Variants in LSAMP observed in about 807,000 individuals in gnomAD.
LSAMP encodes the protein limbic system-associated membrane protein.
In LSAMP, 7 loss-of-function variants were observed where a neutral mutation model predicts 38.6. The ratio of observed to expected loss-of-function variants is 0.18; its 90% confidence interval spans 0.10 to 0.34. The LOEUF (loss-of-function observed/expected upper bound fraction) is 0.34, where lower values mean the gene tolerates loss of function less well. Ranked by LOEUF, LSAMP falls within the 10% of genes least tolerant of loss-of-function variation. LSAMP has a pLI of 1.00. For missense variants in LSAMP, 313 were observed against 420.0 expected (o/e 0.75, Z 2.23); for synonymous variants, 154 against 166.8 (o/e 0.92, Z 0.59).
chr3:116,137,765 G>A (rs1186256006), intron 1 of LSAMP, among the ~76,000 whole-genome samples: 1 of 152,116 alleles, frequency 6.6e-6, no homozygotes, highest in Admixed American at 6.6e-5. Flanking sequence ...ATTGTGCTTT[G>A]TGTTAGAGAA....
intron 1 of LSAMP, among the ~76,000 whole-genome samples, chr3:116,325,690 T>C (rs2047760976): frequency 6.6e-6 from 1 of 152,220 alleles, no homozygotes; most frequent in East Asian, 1.9e-4. Flanking sequence ...AGATATTTTC[T>C]CTTTATGTAC....
At chr3:115,854,645 T>C (rs1399797321) in intron 3 of LSAMP, among the ~76,000 whole-genome samples, 1 of 152,172 alleles carries the variant, frequency 6.6e-6, no homozygotes, top group Non-Finnish European at 1.5e-5. Flanking sequence ...AAAACAGTAA[T>C]CTCAGAAAGG....
At chr3:116,072,398 A>G (rs1285775404) in intron 2 of LSAMP, among the ~76,000 whole-genome samples, 2 of 152,154 alleles carry the variant, frequency 1.3e-5, no homozygotes, top group Non-Finnish European at 2.9e-5. Flanking sequence ...AATGATTTAT[A>G]TTCCTTCAGG....
intron 1 of LSAMP, among the ~76,000 whole-genome samples, chr3:116,216,463 G>C (rs1402459230): frequency 6.6e-6 from 1 of 151,906 alleles, no homozygotes; most frequent in Admixed American, 6.6e-5. Context: ...TTTCCTGAAA[G>C]TACTGCTACT....
Position 115,852,691 on chromosome 3 carries a change from A to C in LSAMP, c.515-74T>G, listed in dbSNP as rs112151587. 1,671 of 1,344,690 alleles carry C rather than the reference A, an allele frequency of 1.2e-3. 9 individuals are homozygous for C. In the African/African-American group the frequency reaches 0.016, roughly 13 times the overall value. 83.3% of individuals were successfully genotyped at this position (1,344,690 alleles called of 1,614,324 possible). A position where few individuals can be genotyped will look rare whatever the true frequency, so the allele number is the denominator to read the frequency against. On this transcript the variant is annotated intron_variant, in intron 3 of 6. Transcript: ENST00000490035. Reference sequence around the variant, plus strand: ...AGTAGATCCTCTCATTATTCTTTTTAAAAGCCATAAATCCACATTTCTTTT... The same window carrying C: ...AGTAGATCCTCTCATTATTCTTTTTCAAAGCCATAAATCCACATTTCTTTT...
chr3:116,319,205 A>ATT (rs1434297698), intron 1 of LSAMP, among the ~76,000 whole-genome samples: 1 of 152,208 alleles, frequency 6.6e-6, no homozygotes, highest in African/African-American at 2.4e-5. Flanking sequence ...ATTAAACTAA[A>ATT]TTTACTATGC....
At chr3:116,186,166 G>T (rs888258226) in intron 1 of LSAMP, among the ~76,000 whole-genome samples, 4 of 152,100 alleles carry the variant, frequency 2.6e-5, no homozygotes, top group Non-Finnish European at 4.4e-5. Context: ...TTTTTAGGCA[G>T]ACCATTAAGG....
At chr3:116,223,656 G>A (rs1427644094) in intron 1 of LSAMP, among the ~76,000 whole-genome samples, 2 of 152,146 alleles carry the variant, frequency 1.3e-5, no homozygotes, top group Non-Finnish European at 2.9e-5. Context: ...TATTAAAGTG[G>A]TGATACTGTA....
At chr3:115,877,647 C>T (rs566648940) in intron 3 of LSAMP, among the ~76,000 whole-genome samples, 77 of 152,202 alleles carry the variant, frequency 5.1e-4, no homozygotes, top group African/African-American at 1.8e-3. Flanking sequence ...AGTTTCTGGA[C>T]TTTTAACACA....
intron 3 of LSAMP, among the ~76,000 whole-genome samples, chr3:115,925,619 A>G (rs1937481300): frequency 6.6e-6 from 1 of 152,186 alleles, no homozygotes; most frequent in African/African-American, 2.4e-5. Context: ...GGCATTGCAA[A>G]AATTTTTGGA....
chr3:115,935,811 G>A (rs1937681573), intron 3 of LSAMP, among the ~76,000 whole-genome samples: 1 of 152,102 alleles, frequency 6.6e-6, no homozygotes, highest in Non-Finnish European at 1.5e-5. Flanking sequence ...ATCTAGCAAG[G>A]TGTCATGACA....
intron 1 of LSAMP, among the ~76,000 whole-genome samples, chr3:116,356,638 A>G (rs902050282): frequency 6.6e-6 from 1 of 152,210 alleles, no homozygotes; most frequent in Non-Finnish European, 1.5e-5. Context: ...GTGATAGAAA[A>G]CACATTTTTC....
chr3:116,391,076 A>AT (rs1242702827), intron 1 of LSAMP, among the ~76,000 whole-genome samples: 1 of 152,112 alleles, frequency 6.6e-6, no homozygotes, highest in Admixed American at 6.5e-5. Flanking sequence ...CCACAGCAGG[A>AT]TTTTGCATCA....
At chr3:116,233,408 G>A (rs183602875) in intron 1 of LSAMP, among the ~76,000 whole-genome samples, 190 of 42,310 alleles carry the variant, frequency 4.5e-3, no homozygotes, top group African/African-American at 0.015. Flanking sequence ...GCGAGACTCT[G>A]TCTCAAAAAA....
intron 3 of LSAMP, among the ~76,000 whole-genome samples, chr3:115,997,708 T>G (rs1939853517): frequency 8.7e-6 from 1 of 114,806 alleles, no homozygotes; most frequent in Non-Finnish European, 1.8e-5. Flanking sequence ...CTATTGACAT[T>G]TTGGGATATA....
rs1937299650 is a variant in LSAMP, at chr3:115,918,305, G to A, written c.515-65688C>T. ...CTTGGCCTGGATAAAAAATAGCCAA[G>A]GGAAATGAAATGTACAAGATTTCTC... On this transcript the variant is annotated intron_variant, in intron 3 of 6. Transcript: ENST00000490035. Among the ~76,000 whole-genome samples, 3 of 152,134 alleles carry A rather than the reference G, an allele frequency of 2.0e-5. No individual in the cohort carries two copies. The South Asian group carries it at 6.2e-4, about 32-fold the overall frequency.
At chr3:116,423,307 T>G (rs1483598431) in intron 1 of LSAMP, among the ~76,000 whole-genome samples, 1 of 152,182 alleles carries the variant, frequency 6.6e-6, no homozygotes, top group Non-Finnish European at 1.5e-5. Flanking sequence ...CATCTGAGAC[T>G]TTTATTCCCA....
intron 2 of LSAMP, among the ~76,000 whole-genome samples, chr3:116,065,995 T>C (rs966038006): frequency 7.9e-5 from 12 of 152,242 alleles, no homozygotes; most frequent in Non-Finnish European, 1.5e-4. Context: ...GTTTGGAACA[T>C]ACAGTAGTGT....
At chr3:116,090,819 C>T (rs1389511411) in intron 1 of LSAMP, among the ~76,000 whole-genome samples, 1 of 152,080 alleles carries the variant, frequency 6.6e-6, no homozygotes, top group Non-Finnish European at 1.5e-5. Context: ...TGACAGACAT[C>T]AAGTACTTAA....
Sources: allele counts gnomAD v4.1 joint callset (sites outside exome capture counted in the v4.1 genomes callset), GRCh38; gene constraint gnomAD v4.1.1; transcripts MANE v1.5; gene names NCBI Gene and HGNC (gene_info 2026-07-23, HGNC 2026-07-21).